The following ST6GALNAC3 variants were observed in gnomAD, a reference collection of about 807,000 sequenced individuals.
ST6GALNAC3 encodes the protein alpha-N-acetylgalactosaminide alpha-2,6-sialyltransferase 3.
A neutral mutation model predicts 32.7 loss-of-function variants in ST6GALNAC3; 25 were observed. That is an observed-to-expected ratio of 0.76 (90% CI 0.56 to 1.07). ST6GALNAC3 has a LOEUF of 1.07. ST6GALNAC3 is among the 50% of genes least tolerant of loss of function. The pLI, the probability that ST6GALNAC3 is intolerant of heterozygous loss-of-function variation, is 0.00. For missense variants in ST6GALNAC3, 355 were observed against 382.4 expected (o/e 0.93, Z 0.60); for synonymous variants, 129 against 133.1 (o/e 0.97, Z 0.21).
chr1:76,457,471 A>G (rs1657911927), intron 3 of ST6GALNAC3, among the ~76,000 whole-genome samples: 2 of 152,078 alleles, frequency 1.3e-5, no homozygotes, highest in African/African-American at 2.4e-5. Flanking sequence ...AGGCTATACT[A>G]TACTACAAGT....
chr1:76,603,536 T>C (rs1371844882), intron 3 of ST6GALNAC3, among the ~76,000 whole-genome samples: 1 of 152,206 alleles, frequency 6.6e-6, no homozygotes, highest in East Asian at 1.9e-4. Flanking sequence ...ATTTTGTTCA[T>C]GGACACGTAC....
At chr1:76,476,362 C>A (rs1659355748) in intron 3 of ST6GALNAC3, among the ~76,000 whole-genome samples, 1 of 152,092 alleles carries the variant, frequency 6.6e-6, no homozygotes, top group African/African-American at 2.4e-5. Flanking sequence ...CAAAAACAGG[C>A]TATTGGTGGG....
At chr1:76,285,050 C>A (rs1659701027) in intron 1 of ST6GALNAC3, among the ~76,000 whole-genome samples, 1 of 152,272 alleles carries the variant, frequency 6.6e-6, no homozygotes, top group Non-Finnish European at 1.5e-5. Context: ...AAAGGAAGAT[C>A]TGAGCCCTTC....
intron 3 of ST6GALNAC3, among the ~76,000 whole-genome samples, chr1:76,617,264 C>G (rs559507196): frequency 1.2e-4 from 18 of 152,102 alleles, no homozygotes; most frequent in African/African-American, 2.4e-4. Context: ...AAGTCAAAAA[C>G]CTAAAGAAAA....
intron 2 of ST6GALNAC3, among the ~76,000 whole-genome samples, chr1:76,339,670 A>G (rs1347220537): frequency 6.6e-6 from 1 of 152,144 alleles, no homozygotes; most frequent in African/African-American, 2.4e-5. Flanking sequence ...TCATTCAACA[A>G]TCATTTATTG....
At chr1:76,489,541 A>G (rs2101686321) in intron 3 of ST6GALNAC3, among the ~76,000 whole-genome samples, 1 of 152,210 alleles carries the variant, frequency 6.6e-6, no homozygotes, top group East Asian at 1.9e-4. Context: ...AATTTTCTGC[A>G]TAATAGACAT....
At chr1:76,335,166 C>T (rs1469074884) in intron 2 of ST6GALNAC3, among the ~76,000 whole-genome samples, 1 of 152,214 alleles carries the variant, frequency 6.6e-6, no homozygotes, top group Non-Finnish European at 1.5e-5. Flanking sequence ...TAAGAAGCAT[C>T]TCCTCTTACC....
chr1:76,416,074 CAT>C (rs879345216), intron 3 of ST6GALNAC3, among the ~76,000 whole-genome samples: 50 of 134,690 alleles, frequency 3.7e-4, no homozygotes, highest in Non-Finnish European at 7.0e-4. Flanking sequence ...CACACACACA[CAT>C]AATCTTAGAA....
rs796709663 is a variant in ST6GALNAC3, at chr1:76,520,261, C to T, written c.624-107191C>T. ...GTAACAGGAGCCTTCGTTCTATGTA[C>T]TAGACAAGGGAAGAGAGACACATAA... On this transcript the variant is annotated intron_variant, in intron 3 of 4. Transcript: ENST00000328299. 3.3e-5 allele frequency among the ~76,000 whole-genome samples: 5 copies of T among 152,140 alleles called. No individual in the cohort carries two copies. The South Asian group carries it at 6.2e-4, about 19-fold the overall frequency.
intron 1 of ST6GALNAC3, among the ~76,000 whole-genome samples, chr1:76,172,958 T>G (rs1373486093): frequency 6.6e-6 from 1 of 152,152 alleles, no homozygotes; most frequent in Admixed American, 6.5e-5. Context: ...CTACCATTGA[T>G]ATTCTTCACA....
chr1:76,630,605 C>CTT lies in ST6GALNAC3; in HGVS notation c.*1800_*1801dup. 5.1e-6 allele frequency: 5 copies of CTT among 985,548 alleles called. No homozygotes were observed. The highest frequency in any genetic ancestry group is 6.0e-6 in the Non-Finnish European group (5 of 829,810). The allele number at this position is 985,548 out of a possible 1,614,324, so 61.1% of individuals were successfully genotyped here. On this transcript the variant is annotated 3_prime_UTR_variant, in exon 5 of 5. Coordinates refer to ENST00000328299, the MANE Select transcript of ST6GALNAC3 (RefSeq NM_152996.4). ...AATGATACATTTCACTTCAGAAGCA[C>CTT]TTGTAGGTCTTTACTAGTGCTAAGT...
chr1:76,183,708 A>G (rs1025373020), intron 1 of ST6GALNAC3, among the ~76,000 whole-genome samples: 1 of 151,736 alleles, frequency 6.6e-6, no homozygotes, highest in Non-Finnish European at 1.5e-5. Flanking sequence ...ACTGGATACT[A>G]TAGGCAATTG....
chr1:76,223,874 T>C (rs1273483233), intron 1 of ST6GALNAC3, among the ~76,000 whole-genome samples: 2 of 152,220 alleles, frequency 1.3e-5, no homozygotes, highest in African/African-American at 4.8e-5. Flanking sequence ...ATTTTTCACC[T>C]AAGTTCATCA....
intron 1 of ST6GALNAC3, among the ~76,000 whole-genome samples, chr1:76,256,017 C>CACACACACAT (rs2100712618): frequency 6.7e-6 from 1 of 148,464 alleles, no homozygotes; most frequent in Non-Finnish European, 1.5e-5. Flanking sequence ...TCAGTGGTAA[C>CACACACACAT]ACACACACAC....
At chr1:76,078,542 A>AC (rs1433910244) in intron 1 of ST6GALNAC3, among the ~76,000 whole-genome samples, 2 of 152,248 alleles carry the variant, frequency 1.3e-5, no homozygotes, top group East Asian at 3.8e-4. Flanking sequence ...CTTATTGATT[A>AC]TAGAGCCATA....
intron 3 of ST6GALNAC3, among the ~76,000 whole-genome samples, chr1:76,491,694 AG>A (rs1660511046): frequency 6.6e-6 from 1 of 152,190 alleles, no homozygotes. Flanking sequence ...CCCCAGCTAC[AG>A]GGCATAGATA....
intron 1 of ST6GALNAC3, among the ~76,000 whole-genome samples, chr1:76,167,246 A>G (rs530612846): frequency 4.6e-5 from 7 of 152,324 alleles, no homozygotes; most frequent in South Asian, 2.1e-4. Context: ...TTCTGCATCT[A>G]TTGAAATAAT....
chr1:76,400,612 C>T (rs373164210), intron 2 of ST6GALNAC3, among the ~76,000 whole-genome samples: 5 of 152,128 alleles, frequency 3.3e-5, no homozygotes, highest in Non-Finnish European at 7.4e-5. Flanking sequence ...TTACGCTGGG[C>T]ATGGTGGCTC....
At chr1:76,475,747 A>G (rs1364627779) in intron 3 of ST6GALNAC3, among the ~76,000 whole-genome samples, 1 of 152,124 alleles carries the variant, frequency 6.6e-6, no homozygotes, top group Non-Finnish European at 1.5e-5. Context: ...CATGTGCAGA[A>G]CTTGCAGACC....
Sources: gnomAD v4.1 joint callset for allele counts (sites outside exome capture counted in the v4.1 genomes callset) on GRCh38, gnomAD v4.1.1 for gene constraint, MANE v1.5 for transcripts, NCBI Gene and HGNC (gene_info 2026-07-23, HGNC 2026-07-21) for gene names.